The following CNGB3 variants were observed in gnomAD, a reference collection of about 807,000 sequenced individuals.
CNGB3 encodes the protein cyclic nucleotide gated channel subunit beta 3.
CNGB3 carries 86 observed loss-of-function variants against 92.8 expected under a neutral mutation model. The observed-to-expected ratio is 0.93, with a 90% confidence interval of 0.78 to 1.11. CNGB3 has a LOEUF of 1.11. CNGB3 is among the 50% of genes least tolerant of loss of function. The pLI, the probability that CNGB3 is intolerant of heterozygous loss-of-function variation, is 0.00. For missense variants in CNGB3, 1,026 were observed against 956.8 expected, an observed-to-expected ratio of 1.07 and a Z score of -0.95; for synonymous variants, 333 against 332.7, an observed-to-expected ratio of 1.00 and a Z score of -0.01.
intron 14 of CNGB3, among the ~76,000 whole-genome samples, chr8:86,608,544 G>A (rs1053716300): frequency 6.6e-6 from 1 of 152,208 alleles, no homozygotes; most frequent in African/African-American, 2.4e-5. Context: ...AGGCTCACCC[G>A]CAGTTATCCG....
In CNGB3 at chr8:86,739,646, C is replaced by A. The variant is rs781158007; in HGVS notation, c.211+9G>T. 2.0e-6 allele frequency: 3 copies of A among 1,536,726 alleles called. No homozygotes were observed. Among genetic ancestry groups the A allele is most frequent in the Non-Finnish European group, 2.6e-6 (3 of 1,137,194 alleles). ...TTTTTTTTTTTTTTTTTTCAGACTG[C>A]ATTCTGACCTTGTATGTTGGTGTGT... On this transcript the variant is annotated intron_variant, in intron 2 of 17. Coordinates refer to ENST00000320005, the MANE Select transcript of CNGB3 (RefSeq NM_019098.5).
rs770651041 is a variant in CNGB3 at position 86,644,641 on chromosome 8, C to T, written c.1036G>A (p.Asp346Asn). 7 of 1,598,458 alleles carry T rather than the reference C, an allele frequency of 4.4e-6. No individual in the cohort carries two copies. Among genetic ancestry groups the T allele is most frequent in the Admixed American group, 1.7e-5 (1 of 59,304 alleles). The change falls in exon 9 of 18, where the codon GAC (aspartate) becomes AAC (asparagine). Residue 346 changes from aspartate to asparagine, a missense_variant. By Grantham distance (23) the Asp-to-Asn change is conservative. Transcript: ENST00000320005. ...EFNHHLESIM[D>N]KAYIYRVIRT... ...CTTTACCTGTAGATATATGCTTTGTCCATTATAGACTCTAGGTGATGATTA... is the reference window on the plus strand; with the variant it reads ...CTTTACCTGTAGATATATGCTTTGTTCATTATAGACTCTAGGTGATGATTA...
intron 3 of CNGB3, among the ~76,000 whole-genome samples, chr8:86,689,361 T>C (rs915073665): frequency 5.3e-5 from 8 of 151,944 alleles, no homozygotes; most frequent in Non-Finnish European, 1.0e-4. Context: ...ATATATCCAA[T>C]GCTGAAAGTG....
chr8:86,657,414 C>G (rs1823532065), intron 6 of CNGB3: 1 of 493,554 alleles, frequency 2.0e-6, no homozygotes, highest in Admixed American at 2.2e-5. Flanking sequence ...CATTTCTTGT[C>G]AGCATGATAG....
At chr8:86,693,784 T>A (rs1482810590) in intron 3 of CNGB3, among the ~76,000 whole-genome samples, 1 of 151,540 alleles carries the variant, frequency 6.6e-6, no homozygotes, top group Non-Finnish European at 1.5e-5. Context: ...ATCAACAGGA[T>A]CCCAAGGCAG....
chr8:86,598,989 A>G (rs544486287), intron 15 of CNGB3, among the ~76,000 whole-genome samples: 1 of 151,836 alleles, frequency 6.6e-6, no homozygotes, highest in Non-Finnish European at 1.5e-5. Flanking sequence ...TCCTTTACAT[A>G]CCCCTCAGTA....
chr8:86,627,189 T>C (rs1420706416), intron 12 of CNGB3, among the ~76,000 whole-genome samples: 1 of 152,170 alleles, frequency 6.6e-6, no homozygotes, highest in Non-Finnish European at 1.5e-5. Flanking sequence ...AGATTCTAAA[T>C]ATGAAAATCC....
At chr8:86,610,277 C>T (rs73271547) in intron 14 of CNGB3, among the ~76,000 whole-genome samples, 5,038 of 152,160 alleles carry the variant, frequency 0.033, 275 homozygotes, top group African/African-American at 0.11. Context: ...GCTCAGTGCC[C>T]TCCACTGTTT....
chr8:86,653,893 T>C (rs1823452033), intron 7 of CNGB3, 119 bp downstream of exon 7: 2 of 749,560 alleles, frequency 2.7e-6, no homozygotes, highest in Admixed American at 4.0e-5. Flanking sequence ...ACTTCAGGCT[T>C]ATCATTGTCT....
rs141651491 is a variant in CNGB3 at position 86,585,313 on chromosome 8, G to GTA, written c.1782-6063_1782-6062dup. Among the ~76,000 whole-genome samples the GTA allele has an allele frequency of 3.7e-3, 557 of 150,338 alleles. 1 individual carries two copies. The highest frequency in any genetic ancestry group is 5.5e-3 in the Non-Finnish European group (373 of 67,568). ...TATATACATATACATTTGTGTGTATGTATATATATATATATTTATATATTT... is the reference window on the plus strand; with the variant it reads ...TATATACATATACATTTGTGTGTATGTATATATATATATATATTTATATATTT... On this transcript the variant is annotated intron_variant, in intron 15 of 17. Transcript: ENST00000320005.
rs140733000 is a variant in CNGB3 at position 86,734,793 on chromosome 8, G to A, written c.211+4862C>T. Among the ~76,000 whole-genome samples the A allele has an allele frequency of 3.4e-3, 512 of 152,244 alleles. 3 individuals carry two copies. The highest frequency in any genetic ancestry group is 0.012 in the African/African-American group (498 of 41,546). ...GTAGCCTCTGACCTCTTCAGACAGG[G>A]CATGAATGCTCCTCATTTATGCTAT... On this transcript the variant is annotated intron_variant, in intron 2 of 17. Coordinates refer to ENST00000320005, the MANE Select transcript of CNGB3 (RefSeq NM_019098.5).
At chr8:86,678,020 A>G (rs1824008724) in intron 3 of CNGB3, among the ~76,000 whole-genome samples, 1 of 152,130 alleles carries the variant, frequency 6.6e-6, no homozygotes, top group East Asian at 1.9e-4. Context: ...CAGTTGGTTC[A>G]ATTTTTTTAA....
At chr8:86,702,543 A>G (rs1319813473) in intron 3 of CNGB3, among the ~76,000 whole-genome samples, 1 of 152,200 alleles carries the variant, frequency 6.6e-6, no homozygotes, top group African/African-American at 2.4e-5. Context: ...ATTTCTAAGA[A>G]TCCTGATACC....
At chr8:86,743,173 T>G (rs575790281) in intron 1 of CNGB3, among the ~76,000 whole-genome samples, 1 of 152,328 alleles carries the variant, frequency 6.6e-6, no homozygotes. Flanking sequence ...ATACTTGATG[T>G]TCTTTGTTGA....
At position 86,590,653 on chromosome 8, in the gene CNGB3, T is replaced by C. The variant is rs536675909; in HGVS notation, c.1782-11401A>G. Among the ~76,000 whole-genome samples the C allele has an allele frequency of 5.6e-3, 850 of 151,030 alleles. 5 individuals carry two copies. The highest frequency in any genetic ancestry group is 0.019 in the African/African-American group (796 of 40,972). On this transcript the variant is annotated intron_variant, in intron 15 of 17. Coordinates refer to ENST00000320005, the MANE Select transcript of CNGB3 (RefSeq NM_019098.5). The stretch of plus-strand genomic sequence containing the variant: ...GGTTGAAAATTCTTTTCTTTAAGAA[T>C]GTTGAATATTGGCCCCCACTCTCTT...
intron 14 of CNGB3, among the ~76,000 whole-genome samples, chr8:86,608,477 G>C (rs1822453544): frequency 6.6e-6 from 1 of 152,160 alleles, no homozygotes; most frequent in Non-Finnish European, 1.5e-5. Context: ...CTTTTCCCTG[G>C]GGGAGTTTAG....
At chr8:86,735,507 A>G (rs1419281665) in intron 2 of CNGB3, among the ~76,000 whole-genome samples, 2 of 152,146 alleles carry the variant, frequency 1.3e-5, no homozygotes, top group African/African-American at 4.8e-5. Context: ...TCAGAAGTCT[A>G]AAACGTGTCT....
Position 86,604,131 on chromosome 8 carries a change from C to T in CNGB3, c.1743G>A (p.Leu581=), listed in dbSNP as rs1563723702. 3 of 1,613,398 alleles carry T rather than the reference C, an allele frequency of 1.9e-6. No individual in the cohort carries two copies. Among genetic ancestry groups the T allele is most frequent in the South Asian group, 2.2e-5 (2 of 91,040 alleles). Residue 581 remains leucine (L), a synonymous_variant, in exon 15 of 18, where the codon CTG becomes CTA. Coordinates refer to ENST00000320005, the MANE Select transcript of CNGB3 (RefSeq NM_019098.5). The part of the protein sequence containing the change: ...VLGGPDGTKV[L]VTLKAGSVFG... Reference sequence around the variant, plus strand: ...ACACCGACCCAGCTTTCAGAGTAACCAGAACTTTAGTACCATCAGGGCCTC... The same window carrying T: ...ACACCGACCCAGCTTTCAGAGTAACTAGAACTTTAGTACCATCAGGGCCTC...
At chr8:86,617,308 C>A (rs1009814197) in intron 13 of CNGB3, among the ~76,000 whole-genome samples, 1 of 152,182 alleles carries the variant, frequency 6.6e-6, no homozygotes, top group African/African-American at 2.4e-5. Flanking sequence ...TGAAACAGAA[C>A]TTAAGATAGC....
Sources: allele counts gnomAD v4.1 joint callset (sites outside exome capture counted in the v4.1 genomes callset), GRCh38; gene constraint gnomAD v4.1.1; transcripts MANE v1.5; gene names NCBI Gene and HGNC (gene_info 2026-07-23, HGNC 2026-07-21).